DYTN: variants seen among roughly 807,000 people sequenced by gnomAD.
The protein encoded by DYTN is dystrotelin.
In DYTN, 75 loss-of-function variants were observed where a neutral mutation model predicts 69.6. The ratio of observed to expected loss-of-function variants is 1.08; its 90% CI spans 0.89 to 1.31. The LOEUF (loss-of-function observed/expected upper bound fraction) is 1.31. Ranked by LOEUF, DYTN falls within the 50% of genes most tolerant of loss-of-function variation. The pLI, the probability that DYTN is intolerant of heterozygous loss-of-function variation, is 0.00. For synonymous variants in DYTN, 252 were observed against 249.1 expected, an observed-to-expected ratio of 1.01 and a Z score of -0.11; for missense variants, 726 against 688.4, an observed-to-expected ratio of 1.05 and a Z score of -0.61.
rs756564222 is a variant in DYTN, at chr2:206,694,907, G to A, written c.720-30C>T. 49 of 1,189,266 alleles carry A rather than the reference G, an allele frequency of 4.1e-5. 1 individual carries two copies. Among genetic ancestry groups the A allele is most frequent in the South Asian group, 1.8e-4 (12 of 65,748 alleles). 73.7% of individuals were successfully genotyped at this position (1,189,266 alleles called of 1,614,324 possible). On this transcript the variant is annotated intron_variant, in intron 7 of 11. Transcript: ENST00000452335. ...CAGTTAAAATAGAAGCACAGCTTACGTCACTAGTAGATGAGAAAAAAAAAA... is the reference window on the plus strand; with the variant it reads ...CAGTTAAAATAGAAGCACAGCTTACATCACTAGTAGATGAGAAAAAAAAAA...
intron 9 of DYTN, among the ~76,000 whole-genome samples, chr2:206,676,417 G>A (rs557325280): frequency 5.3e-5 from 8 of 152,114 alleles, no homozygotes; most frequent in African/African-American, 1.7e-4. Context: ...ATCACATACC[G>A]GGGCCTGTCA....
chr2:206,699,278 A>G (rs1699951366), intron 7 of DYTN, among the ~76,000 whole-genome samples: 1 of 152,144 alleles, frequency 6.6e-6, no homozygotes, highest in South Asian at 2.1e-4. Flanking sequence ...TACAAAAAAT[A>G]GAAAATTAGC....
chr2:206,705,269 T>G (rs1306128417), intron 4 of DYTN, among the ~76,000 whole-genome samples: 2 of 152,198 alleles, frequency 1.3e-5, no homozygotes, highest in Admixed American at 1.3e-4. Flanking sequence ...GCTAATTTTT[T>G]GTATTTTTAG....
chr2:206,688,304 A>G (rs1310223427), intron 9 of DYTN, among the ~76,000 whole-genome samples: 1 of 152,228 alleles, frequency 6.6e-6, no homozygotes, highest in Non-Finnish European at 1.5e-5. Flanking sequence ...ACCTGAATGA[A>G]GCTTATTTAA....
rs1188058535 is a variant in DYTN at position 206,666,031 on chromosome 2, TG to T, written c.981-3del. ...TGGTTTAACTGTTTTTTAAGGAGCC[TG>T]AAAAGAGAACAGATTTGAGCGGTTT... On this transcript the variant is annotated splice_region_variant and splice_polypyrimidine_tract_variant and intron_variant, in intron 9 of 11. Coordinates refer to ENST00000452335, the MANE Select transcript of DYTN (RefSeq NM_001093730.1). 6.2e-7 allele frequency: 1 copy of T among 1,613,288 alleles called. No homozygotes were observed. The highest frequency in any genetic ancestry group is 8.5e-7 in the Non-Finnish European group (1 of 1,179,556).
At chr2:206,693,719 A>G (rs1012117594) in intron 8 of DYTN, among the ~76,000 whole-genome samples, 1 of 152,226 alleles carries the variant, frequency 6.6e-6, no homozygotes, top group African/African-American at 2.4e-5. Flanking sequence ...ATACAATTTC[A>G]GTGGACTCAC....
chr2:206,665,889 T>C lies in DYTN; in HGVS notation c.1121A>G (p.Gln374Arg), dbSNP rs1333671158. 4 of 1,613,808 alleles carry C rather than the reference T, an allele frequency of 2.5e-6. No homozygotes were observed. Among genetic ancestry groups the C allele is most frequent in the Non-Finnish European group, 3.4e-6 (4 of 1,179,806 alleles). Residue 374 changes from glutamine (Q) to arginine (R), a missense_variant, in exon 10 of 12, where the codon CAG becomes CGG. Coordinates refer to ENST00000452335, the MANE Select transcript of DYTN (RefSeq NM_001093730.1). ...TTATACCTGTAGGTCCCGTCTTATC[T>C]GTTGTAGCTTGGTCCATAGACTATC... ...NQDSLWTKLQ[Q>R]IRRDLQARLQ...
rs959533428 is a variant in DYTN, at chr2:206,699,781, A to G, written c.665T>C (p.Val222Ala). ...GAGAGTGCACCGAGCAGGGTGAGTG[A>G]CCCTTTCAGCAGCTGATAACCGGTG... is the stretch of plus-strand genomic sequence containing the variant. The part of the protein sequence containing the change: ...TCHRLSAAER[V>A]THPARCTLCR... The change falls in exon 7 of 12, where the codon GTC becomes GCC. Residue 222 changes from valine (V) to alanine (A), a missense_variant. Physicochemically the swap from Val to Ala is moderately conservative, Grantham distance 64 (BLOSUM62 0). Transcript: ENST00000452335. The G allele has an allele frequency of 2.5e-6, 4 of 1,613,688 alleles. No homozygotes were observed. Among genetic ancestry groups the G allele is most frequent in the Non-Finnish European group, 3.4e-6 (4 of 1,179,822 alleles).
intron 11 of DYTN, among the ~76,000 whole-genome samples, chr2:206,662,277 A>G (rs930911307): frequency 1.3e-5 from 2 of 152,200 alleles, no homozygotes; most frequent in Non-Finnish European, 2.9e-5. Flanking sequence ...ACCTAACAAT[A>G]TTTTCAACTT....
intron 3 of DYTN, among the ~76,000 whole-genome samples, chr2:206,706,266 C>T (rs1700024472): frequency 6.7e-6 from 1 of 149,960 alleles, no homozygotes; most frequent in African/African-American, 2.4e-5. Context: ...AATATTTATG[C>T]AAAGAAAAAA....
chr2:206,667,482 TCCA>T, intron 9 of DYTN, among the ~76,000 whole-genome samples: 1 of 152,214 alleles, frequency 6.6e-6, no homozygotes. Context: ...CAACCTCTCC[TCCA>T]GCATGGCCAA....
Position 206,704,841 on chromosome 2 carries a change from A to G in DYTN, c.483+2T>C. On this transcript the variant is annotated splice_donor_variant, in intron 5 of 11. Transcript: ENST00000452335. LOFTEE classifies it high-confidence loss of function. ...TACAGTTCTTAAGTATTAGGAATTT[A>G]CCTGCTGTAGATCTGTTAGTAGTTT... is the stretch of plus-strand genomic sequence containing the variant. The G allele has an allele frequency of 5.0e-6, 8 of 1,612,440 alleles. No homozygotes were observed. The highest frequency in any genetic ancestry group is 5.9e-6 in the Non-Finnish European group (7 of 1,179,096).
Position 206,705,876 on chromosome 2 carries a change from G to A in DYTN, c.297-3C>T. On this transcript the variant is annotated splice_polypyrimidine_tract_variant and splice_region_variant and intron_variant, in intron 3 of 11. Transcript: ENST00000452335. ...GCTGGAGAAAACCTGTTCCTTTGCT[G>A]CACAGTAACAAAATACAGAGACAAG... 6.2e-7 allele frequency: 1 copy of A among 1,613,330 alleles called. No homozygotes were observed. The highest frequency in any genetic ancestry group is 8.5e-7 in the Non-Finnish European group (1 of 1,179,590).
At chr2:206,708,608 C>A (rs1700049462) in intron 2 of DYTN, among the ~76,000 whole-genome samples, 1 of 152,208 alleles carries the variant, frequency 6.6e-6, no homozygotes, top group Non-Finnish European at 1.5e-5. Context: ...GCATTCTGAA[C>A]ACAGGCCGAT....
rs140242788 is a variant in DYTN, at chr2:206,680,286, A to G, written c.980+12889T>C. 1.7e-3 allele frequency among the ~76,000 whole-genome samples: 262 copies of G among 152,248 alleles called. 1 individual carries two copies. Among genetic ancestry groups the G allele is most frequent in the African/African-American group, 6.0e-3 (251 of 41,546 alleles). ...TATGAGACTTACTCACTATTATGAG[A>G]AGAGCATGGGAAAAACCTGCCCCCA... On this transcript the variant is annotated intron_variant, in intron 9 of 11. Coordinates refer to ENST00000452335, the MANE Select transcript of DYTN (RefSeq NM_001093730.1).
chr2:206,671,728 T>C (rs1446757815), intron 9 of DYTN, among the ~76,000 whole-genome samples: 3 of 152,196 alleles, frequency 2.0e-5, no homozygotes, highest in Non-Finnish European at 4.4e-5. Flanking sequence ...TTAATGTATA[T>C]TGTTAATATG....
intron 9 of DYTN, among the ~76,000 whole-genome samples, chr2:206,675,064 G>A (rs867111833): frequency 1.3e-5 from 2 of 148,956 alleles, no homozygotes; most frequent in Non-Finnish European, 1.5e-5. Flanking sequence ...ATAAAGACCT[G>A]AAATAGAAAC....
At chr2:206,679,807 G>A (rs951192219) in intron 9 of DYTN, among the ~76,000 whole-genome samples, 1 of 152,174 alleles carries the variant, frequency 6.6e-6, no homozygotes, top group African/African-American at 2.4e-5. Flanking sequence ...CCAGGGGTGT[G>A]CATTTTGGGG....
At chr2:206,679,769 C>T (rs558655735) in intron 9 of DYTN, among the ~76,000 whole-genome samples, 10 of 152,196 alleles carry the variant, frequency 6.6e-5, no homozygotes, top group African/African-American at 1.2e-4. Flanking sequence ...AGGAAAGACA[C>T]GATTATTCTG....
Sources: gnomAD v4.1 joint callset for allele counts (sites outside exome capture counted in the v4.1 genomes callset) on GRCh38, gnomAD v4.1.1 for gene constraint, MANE v1.5 for transcripts, NCBI Gene and HGNC (gene_info 2026-07-23, HGNC 2026-07-21) for gene names.